MARCHF3: variants seen among roughly 807,000 people sequenced by gnomAD.
The protein encoded by MARCHF3 is membrane associated ring-CH-type finger 3.
MARCHF3 carries 13 observed loss-of-function variants against 24.2 expected under a neutral mutation model. The ratio of observed to expected loss-of-function variants is 0.54; its 90% CI spans 0.35 to 0.85. The LOEUF is 0.85. MARCHF3 is among the 40% of genes least tolerant of loss of function. MARCHF3 has a pLI of 0.01. For synonymous variants in MARCHF3, 144 were observed against 137.3 expected, an observed-to-expected ratio of 1.05 and a Z score of -0.34; for missense variants, 276 against 325.0, an observed-to-expected ratio of 0.85 and a Z score of 1.16.
At chr5:127,006,974 G>C (rs187559155) in intron 1 of MARCHF3, among the ~76,000 whole-genome samples, 5 of 152,062 alleles carry the variant, frequency 3.3e-5, no homozygotes, top group Admixed American at 1.3e-4. Context: ...TGCTTCTTAA[G>C]AGAAAACTAC....
chr5:126,908,942 G>C (rs1184856525), intron 3 of MARCHF3, among the ~76,000 whole-genome samples: 1 of 152,152 alleles, frequency 6.6e-6, no homozygotes, highest in Non-Finnish European at 1.5e-5. Context: ...TCTTCCCCAA[G>C]TTTGTGGTTT....
chr5:126,918,329 T>C, intron 1 of MARCHF3, 102 bp from the exon 2 acceptor site: 1 of 721,164 alleles, frequency 1.4e-6, no homozygotes, highest in Non-Finnish European at 2.2e-6. Context: ...TTAATACAAA[T>C]AACAGGGGTA....
intron 1 of MARCHF3, among the ~76,000 whole-genome samples, chr5:126,947,184 C>T (rs1036767239): frequency 2.0e-5 from 3 of 152,122 alleles, no homozygotes; most frequent in South Asian, 2.1e-4. Flanking sequence ...CTCATTCCCC[C>T]GCATATGCAA....
At chr5:126,987,364 A>C (rs1056078585) in intron 1 of MARCHF3, among the ~76,000 whole-genome samples, 5 of 152,212 alleles carry the variant, frequency 3.3e-5, no homozygotes, top group Non-Finnish European at 5.9e-5. Context: ...AAAAGAAAGA[A>C]AATAAAAAAG....
chr5:126,979,674 C>A (rs989359358), intron 1 of MARCHF3, among the ~76,000 whole-genome samples: 2 of 152,058 alleles, frequency 1.3e-5, no homozygotes, highest in Admixed American at 6.6e-5. Flanking sequence ...TGAGGCCAGG[C>A]GCAGTGGCTC....
chr5:126,891,140 T>C (rs1753673922), intron 3 of MARCHF3, among the ~76,000 whole-genome samples: 1 of 149,448 alleles, frequency 6.7e-6, no homozygotes, highest in South Asian at 2.1e-4. Flanking sequence ...GGGTTGTTTG[T>C]TTTTTTCTTG....
chr5:127,004,024 G>A (rs562566680), intron 1 of MARCHF3, among the ~76,000 whole-genome samples: 1 of 152,294 alleles, frequency 6.6e-6, no homozygotes, highest in East Asian at 1.9e-4. Flanking sequence ...GACACCAGCT[G>A]CAGGTGGCAC....
chr5:126,914,039 A>G (rs144567687), intron 3 of MARCHF3, among the ~76,000 whole-genome samples: 109 of 133,880 alleles, frequency 8.1e-4, no homozygotes, highest in African/African-American at 3.0e-3. Context: ...GCTGGAGTGC[A>G]GTGGTGCGAT....
intron 4 of MARCHF3, among the ~76,000 whole-genome samples, chr5:126,872,923 T>A (rs983724184): frequency 6.6e-6 from 1 of 151,926 alleles, no homozygotes; most frequent in African/African-American, 2.4e-5. Flanking sequence ...CTCACGAATG[T>A]AGGAGAGGCA....
At chr5:127,002,826 GC>G (rs1752172279) in intron 1 of MARCHF3, among the ~76,000 whole-genome samples, 1 of 152,160 alleles carries the variant, frequency 6.6e-6, no homozygotes, top group African/African-American at 2.4e-5. Flanking sequence ...GGGCGGGTGA[GC>G]CCCCTTTCTA....
chr5:126,949,162 T>C (rs1423534945), intron 1 of MARCHF3, among the ~76,000 whole-genome samples: 4 of 152,228 alleles, frequency 2.6e-5, no homozygotes, highest in Admixed American at 1.3e-4. Flanking sequence ...CAAGTCTAAA[T>C]GCCAACTCCT....
chr5:126,896,644 A>G (rs942833170), intron 3 of MARCHF3, among the ~76,000 whole-genome samples: 1 of 152,112 alleles, frequency 6.6e-6, no homozygotes, highest in Admixed American at 6.6e-5. Context: ...CTAACAAATC[A>G]TATCTACTGT....
chr5:126,913,976 CTTTTTTTTTTTTTTT>C (rs1169856446), intron 3 of MARCHF3, among the ~76,000 whole-genome samples: 2 of 107,914 alleles, frequency 1.9e-5, no homozygotes, highest in East Asian at 5.5e-4. Flanking sequence ...CAATATCCAA[CTTTTTTTTTTTTTTT>C]TTTTTTTTTT....
chr5:126,892,427 G>C (rs1336638988), intron 3 of MARCHF3, among the ~76,000 whole-genome samples: 4 of 147,094 alleles, frequency 2.7e-5, no homozygotes, highest in African/African-American at 1.0e-4. Context: ...CTGTGGGTTT[G>C]TCATAGATAG....
At chr5:126,913,976 CTTTTTTTTTTTTT>C (rs1169856446) in intron 3 of MARCHF3, among the ~76,000 whole-genome samples, 2 of 107,904 alleles carry the variant, frequency 1.9e-5, no homozygotes, top group Non-Finnish European at 3.5e-5. Context: ...CAATATCCAA[CTTTTTTTTTTTTT>C]TTTTTTTTTT....
intron 1 of MARCHF3, among the ~76,000 whole-genome samples, chr5:127,026,666 A>T (rs186989447): frequency 1.3e-5 from 2 of 152,244 alleles, no homozygotes; most frequent in East Asian, 3.8e-4. Flanking sequence ...TGCAAGGCCA[A>T]CTTCTCAGTT....
chr5:126,897,056 T>TTTTTTTTTTTTTTTTTTG (rs70997319), intron 3 of MARCHF3, among the ~76,000 whole-genome samples: 3 of 148,948 alleles, frequency 2.0e-5, no homozygotes, highest in Non-Finnish European at 3.0e-5. Context: ...TTTTTTTTTT[T>TTTTTTTTTTTTTTTTTTG]GAGATGGAGT....
At chr5:126,914,799 C>T (rs1366581037) in intron 3 of MARCHF3, 131 bp downstream of exon 3, 11 of 773,098 alleles carry the variant, frequency 1.4e-5, no homozygotes, top group Non-Finnish European at 2.2e-5. Flanking sequence ...CACACACACA[C>T]ACACACACAC....
At chr5:126,874,930 T>A (rs7715377) in intron 4 of MARCHF3, among the ~76,000 whole-genome samples, 14,484 of 152,128 alleles carry the variant, frequency 0.095, 1,559 homozygotes, top group African/African-American at 0.26. Flanking sequence ...CAATCAAACC[T>A]TGGGACTGGG....
Sources: gnomAD v4.1 joint callset for allele counts (sites outside exome capture counted in the v4.1 genomes callset) on GRCh38, gnomAD v4.1.1 for gene constraint, MANE v1.5 for transcripts, NCBI Gene and HGNC (gene_info 2026-07-23, HGNC 2026-07-21) for gene names.